Variants in ADK observed in about 807,000 individuals in gnomAD.
ADK encodes the protein N6,N6-dimethyladenosine kinase.
In ADK, 24 loss-of-function variants were observed where a neutral mutation model predicts 44.7. That is an observed-to-expected ratio of 0.54 (90% CI 0.39 to 0.76). ADK has a LOEUF of 0.76. ADK is among the 30% of genes least tolerant of loss of function. The pLI is 0.00. For synonymous variants in ADK, 128 were observed against 142.6 expected (o/e 0.90, Z 0.73); for missense variants, 321 against 425.1 (o/e 0.76, Z 2.15).
chr10:74,271,809 TTTTCTTTAATAGTACTTAC>T (rs1846442430), intron 3 of ADK, among the ~76,000 whole-genome samples: 1 of 152,126 alleles, frequency 6.6e-6, no homozygotes, highest in Non-Finnish European at 1.5e-5. Context: ...AGTATATCTT[TTTTCTTTAATAGTACTTAC>T]AAAAATGTAA....
chr10:74,255,930 G>A (rs1845808386), intron 3 of ADK, among the ~76,000 whole-genome samples: 3 of 152,148 alleles, frequency 2.0e-5, no homozygotes, highest in Admixed American at 2.0e-4. Context: ...GTAAATAATA[G>A]TGTCTGCCTT....
At chr10:74,158,184 T>TA (rs890370395) in intron 1 of ADK, among the ~76,000 whole-genome samples, 5 of 151,620 alleles carry the variant, frequency 3.3e-5, no homozygotes, top group African/African-American at 7.3e-5. Context: ...TTATGAGGTT[T>TA]AAAAAAAAAC....
At chr10:74,370,098 A>G (rs948641577) in intron 4 of ADK, among the ~76,000 whole-genome samples, 1 of 152,182 alleles carries the variant, frequency 6.6e-6, no homozygotes, top group Non-Finnish European at 1.5e-5. Context: ...TACTCTGAAA[A>G]CTGTAAAAAC....
At chr10:74,253,766 C>T (rs1188710304) in intron 3 of ADK, among the ~76,000 whole-genome samples, 6 of 125,048 alleles carry the variant, frequency 4.8e-5, no homozygotes, top group Non-Finnish European at 6.5e-5. Flanking sequence ...TCTACACTGC[C>T]TTTTTTTTTT....
chr10:74,293,986 A>T (rs1839722580), intron 3 of ADK, among the ~76,000 whole-genome samples: 1 of 152,126 alleles, frequency 6.6e-6, no homozygotes. Flanking sequence ...AACATTGGAG[A>T]TTACCTTTGC....
At chr10:74,170,659 G>A (rs1161144327) in intron 1 of ADK, among the ~76,000 whole-genome samples, 3 of 151,796 alleles carry the variant, frequency 2.0e-5, no homozygotes, top group Non-Finnish European at 4.4e-5. Context: ...AATTTGCCGG[G>A]CGTGGTGGCG....
At chr10:74,557,652 G>A (rs1008667653) in intron 7 of ADK, among the ~76,000 whole-genome samples, 1 of 151,972 alleles carries the variant, frequency 6.6e-6, no homozygotes, top group Admixed American at 6.6e-5. Flanking sequence ...TTATTGTAGG[G>A]CACCAAGCAA....
intron 6 of ADK, among the ~76,000 whole-genome samples, chr10:74,516,456 C>A (rs773546960): frequency 6.6e-6 from 1 of 152,074 alleles, no homozygotes; most frequent in African/African-American, 2.4e-5. Context: ...GTGGGTTAGA[C>A]AAGCACCAGG....
chr10:74,388,279 A>C (rs1437843625), intron 4 of ADK, among the ~76,000 whole-genome samples: 1 of 152,208 alleles, frequency 6.6e-6, no homozygotes, highest in Non-Finnish European at 1.5e-5. Flanking sequence ...TTTATATTTG[A>C]AGAAATTGAC....
intron 10 of ADK, among the ~76,000 whole-genome samples, chr10:74,704,967 T>G (rs1304262301): frequency 6.6e-6 from 1 of 152,238 alleles, no homozygotes; most frequent in Admixed American, 6.5e-5. Context: ...AGAGAGTGAT[T>G]TTACAGTCTC....
intron 6 of ADK, among the ~76,000 whole-genome samples, chr10:74,470,214 AG>A (rs1846517025): frequency 6.6e-6 from 1 of 151,808 alleles, no homozygotes; most frequent in East Asian, 1.9e-4. Flanking sequence ...TAGTGGAGAC[AG>A]GGTTTCACCA....
intron 9 of ADK, among the ~76,000 whole-genome samples, chr10:74,618,682 T>A (rs912734949): frequency 6.6e-6 from 1 of 152,184 alleles, no homozygotes; most frequent in Non-Finnish European, 1.5e-5. Flanking sequence ...GAGTTCTTTA[T>A]AAATGGCTTT....
At chr10:74,360,898 AC>A (rs945935682) in intron 4 of ADK, among the ~76,000 whole-genome samples, 2 of 152,000 alleles carry the variant, frequency 1.3e-5, no homozygotes. Flanking sequence ...CCATTCACCC[AC>A]CCTGTGTCTT....
intron 3 of ADK, among the ~76,000 whole-genome samples, chr10:74,313,201 A>G (rs7906779): frequency 0.045 from 6,847 of 152,128 alleles, 540 homozygotes; most frequent in African/African-American, 0.16. Flanking sequence ...AGTCTTCTCC[A>G]TGAAAGGGAG....
chr10:74,210,253 C>T (rs1222408952), intron 2 of ADK, among the ~76,000 whole-genome samples: 1 of 146,026 alleles, frequency 6.8e-6, no homozygotes, highest in African/African-American at 2.5e-5. Context: ...CGCTTGAACC[C>T]AGGAGCGGAG....
chr10:74,600,892 A>T lies in ADK; in HGVS notation c.877+399A>T, dbSNP rs114104599. On this transcript the variant is annotated intron_variant, in intron 9 of 10. Transcript: ENST00000539909. The stretch of plus-strand genomic sequence containing the variant: ...TTTTCCATTTTTCCTTCAAGAAGAA[A>T]ATCTCATTTTTTGTTTTATTTCACC... Among the ~76,000 whole-genome samples, 861 of 152,100 alleles carry T rather than the reference A, an allele frequency of 5.7e-3. 5 individuals carry two copies. The highest frequency in any genetic ancestry group is 0.02 in the African/African-American group (816 of 41,570).
intron 7 of ADK, among the ~76,000 whole-genome samples, chr10:74,553,299 C>G (rs1307119862): frequency 1.4e-5 from 2 of 138,446 alleles, no homozygotes; most frequent in Non-Finnish European, 3.0e-5. Flanking sequence ...CTCCCAGGTT[C>G]AAGCGATTCT....
At chr10:74,509,919 C>CT (rs890632748) in intron 6 of ADK, among the ~76,000 whole-genome samples, 11 of 152,240 alleles carry the variant, frequency 7.2e-5, no homozygotes, top group Non-Finnish European at 1.0e-4. Context: ...GGATTTTATG[C>CT]TTTTTTATGG....
At chr10:74,574,989 GA>G (rs374117126) in intron 7 of ADK, among the ~76,000 whole-genome samples, 14 of 152,152 alleles carry the variant, frequency 9.2e-5, no homozygotes, top group African/African-American at 2.2e-4. Flanking sequence ...AGGTGGGGGG[GA>G]AACAGAGTAC....
Sources: allele counts gnomAD v4.1 joint callset (sites outside exome capture counted in the v4.1 genomes callset), GRCh38; gene constraint gnomAD v4.1.1; transcripts MANE v1.5; gene names NCBI Gene and HGNC (gene_info 2026-07-23, HGNC 2026-07-21).